YTHDC2: variants seen among roughly 807,000 people sequenced by gnomAD.
YTHDC2 encodes the protein YTH N6-methyladenosine RNA binding protein C2.
A neutral mutation model predicts 174.9 loss-of-function variants in YTHDC2; 45 were observed. That is an observed-to-expected ratio of 0.26 (90% confidence interval 0.20 to 0.33). The LOEUF is 0.33. Ranked by LOEUF, YTHDC2 falls within the 10% of genes least tolerant of loss-of-function variation. The pLI, the probability that YTHDC2 is intolerant of heterozygous loss-of-function variation, is 1.00. For missense variants in YTHDC2, 1,650 were observed against 1,723.7 expected (o/e 0.96, Z 0.76); for synonymous variants, 657 against 574.5 (o/e 1.14, Z -2.05).
At chr5:113,515,549 T>TC (rs1346726902) in intron 2 of YTHDC2, among the ~76,000 whole-genome samples, 187 bp downstream of exon 2, 2 of 152,266 alleles carry the variant, frequency 1.3e-5, no homozygotes, top group Non-Finnish European at 2.9e-5. Flanking sequence ...GTCTACCTCT[T>TC]CCCCCCTTTT....
intron 10 of YTHDC2, among the ~76,000 whole-genome samples, chr5:113,546,542 T>C (rs1243502735): frequency 6.6e-6 from 1 of 152,222 alleles, no homozygotes; most frequent in Non-Finnish European, 1.5e-5. Flanking sequence ...TTCTTTTTAG[T>C]AGCATCATTT....
chr5:113,538,706 T>C (rs188822183), intron 7 of YTHDC2, among the ~76,000 whole-genome samples: 34 of 152,294 alleles, frequency 2.2e-4, no homozygotes, highest in African/African-American at 7.7e-4. Context: ...TCTTCACAAC[T>C]CTATATTTAC....
chr5:113,545,523 ATAC>A (rs1298903474), intron 10 of YTHDC2, among the ~76,000 whole-genome samples: 1 of 138,612 alleles, frequency 7.2e-6, no homozygotes, highest in Non-Finnish European at 1.6e-5. Flanking sequence ...TTGGATTTAG[ATAC>A]TTCTAATATG....
chr5:113,546,678 C>T (rs1775907484), intron 10 of YTHDC2, among the ~76,000 whole-genome samples: 1 of 152,168 alleles, frequency 6.6e-6, no homozygotes, highest in South Asian at 2.1e-4. Context: ...TTTATTATCT[C>T]CATAGTTTCT....
At chr5:113,534,081 C>A (rs548328588) in intron 5 of YTHDC2, among the ~76,000 whole-genome samples, 1 of 152,160 alleles carries the variant, frequency 6.6e-6, no homozygotes, top group South Asian at 2.1e-4. Context: ...GTTTTTAGAG[C>A]AGCTTAGGTT....
At position 113,539,792 on chromosome 5, in the gene YTHDC2, G is replaced by C. The variant is rs544839111; in HGVS notation, c.1210+611G>C. Among the ~76,000 whole-genome samples the C allele has an allele frequency of 1.1e-4, 17 of 152,008 alleles. 1 individual carries two copies. The South Asian group carries it at 2.9e-3, about 26-fold the overall frequency. ...TTGGACAAAAATCTGAACTCCTTTG[G>C]ATTTTCCCCTTGAAAAATGTAATCA... On this transcript the variant is annotated intron_variant, in intron 8 of 29. Coordinates refer to ENST00000161863, the MANE Select transcript of YTHDC2 (RefSeq NM_022828.5).
rs935047741 is a variant in YTHDC2 at position 113,595,157 on chromosome 5, T to C, written c.*1683T>C. On this transcript the variant is annotated 3_prime_UTR_variant, in exon 30 of 30. Transcript: ENST00000161863. ...GTTTAAATTTCCATCTGTTTTGTAA[T>C]ATCTAGCTCTATATGTAAATGATGG... 2 of 152,142 alleles carry C rather than the reference T, an allele frequency of 1.3e-5. No individual in the cohort carries two copies. Among genetic ancestry groups the C allele is most frequent in the Non-Finnish European group, 2.9e-5 (2 of 68,010 alleles). The allele number at this position is 152,142 out of a possible 1,614,324, so 9.4% of individuals were successfully genotyped here. A position where few individuals can be genotyped will look rare whatever the true frequency, so the allele number is the denominator to read the frequency against.
In YTHDC2 at chr5:113,593,371, C is replaced by A. The variant is rs750163746; in HGVS notation, c.4281C>A (p.Asn1427Lys). The A allele has an allele frequency of 2.5e-6, 4 of 1,612,240 alleles. No homozygotes were observed. The highest frequency in any genetic ancestry group is 2.2e-5 in the East Asian group (1 of 44,818). The change falls in exon 29 of 30, where the codon AAC (asparagine) becomes AAA (lysine). Residue 1427 changes from asparagine (N) to lysine (K), a missense_variant. Asn to Lys is a moderately conservative substitution (Grantham distance 94). Coordinates refer to ENST00000161863, the MANE Select transcript of YTHDC2 (RefSeq NM_022828.5). ...LWERLPLGEK[N>K]TTD ...AACGTCTTCCCTTGGGAGAAAAAAACACAACTGATTGACACTCAGGTTATA... is the reference window on the plus strand; with the variant it reads ...AACGTCTTCCCTTGGGAGAAAAAAAAACAACTGATTGACACTCAGGTTATA...
intron 9 of YTHDC2, among the ~76,000 whole-genome samples, chr5:113,541,516 A>G (rs1312267573): frequency 6.6e-6 from 1 of 152,018 alleles, no homozygotes; most frequent in Non-Finnish European, 1.5e-5. Flanking sequence ...TTTACTGCAT[A>G]ATTGAATGGT....
chr5:113,547,643 T>A (rs1166586968), intron 10 of YTHDC2, among the ~76,000 whole-genome samples: 2 of 152,158 alleles, frequency 1.3e-5, no homozygotes, highest in Non-Finnish European at 2.9e-5. Flanking sequence ...TTGCTGTGAA[T>A]CTAAAACTTG....
rs201096580 is a variant in YTHDC2 at position 113,521,838 on chromosome 5, G to C, written c.279-3143G>C. On this transcript the variant is annotated intron_variant, in intron 2 of 29. Transcript: ENST00000161863. ...TCTGTCTCAAAAAAAAAAAAAAAAA[G>C]AAAAACCCAGAAAAATAAATTTACT... 5.2e-5 allele frequency among the ~76,000 whole-genome samples: 6 copies of C among 115,872 alleles called. No homozygotes were observed. In the South Asian group the frequency reaches 1.7e-3, roughly 33 times the overall value. The allele number at this position is 115,872 out of a possible 152,430, so 76.0% of individuals were successfully genotyped here. A position where few individuals can be genotyped will look rare whatever the true frequency, so the allele number is the denominator to read the frequency against.
At chr5:113,553,724 C>G (rs376307500) in intron 14 of YTHDC2, 38 bp downstream of exon 14, 24 of 1,612,624 alleles carry the variant, frequency 1.5e-5, no homozygotes, top group Non-Finnish European at 2.0e-5. Context: ...CTTAAAATAA[C>G]GGACAGGTCT....
chr5:113,527,213 G>A (rs1394502386), intron 4 of YTHDC2, among the ~76,000 whole-genome samples: 2 of 152,142 alleles, frequency 1.3e-5, no homozygotes, highest in Non-Finnish European at 2.9e-5. Context: ...ACAGTGAGGT[G>A]TAGAGATTAT....
At chr5:113,550,811 G>A (rs1353141162) in intron 12 of YTHDC2, among the ~76,000 whole-genome samples, 1 of 152,018 alleles carries the variant, frequency 6.6e-6, no homozygotes, top group African/African-American at 2.4e-5. Context: ...AGGGAATCCT[G>A]TAAAACCAAT....
intron 26 of YTHDC2, among the ~76,000 whole-genome samples, chr5:113,586,528 A>C (rs1778688760): frequency 1.3e-5 from 2 of 151,820 alleles, no homozygotes; most frequent in Admixed American, 1.3e-4. Context: ...AGTCCATTTC[A>C]TCAGCTTTTT....
intron 20 of YTHDC2, among the ~76,000 whole-genome samples, chr5:113,564,337 T>C (rs1224041508): frequency 6.6e-6 from 1 of 152,228 alleles, no homozygotes; most frequent in Admixed American, 6.5e-5. Context: ...TCCCATTTTC[T>C]CCTTATAGGA....
intron 12 of YTHDC2, 24 bp from the exon 13 acceptor site, chr5:113,553,157 C>T (rs375039123): frequency 1.4e-4 from 149 of 1,098,344 alleles, no homozygotes; most frequent in African/African-American, 6.8e-4. Context: ...TTGACTTTGT[C>T]TTTTTTTTTT....
rs986231987 is a variant in YTHDC2, at chr5:113,592,032, A to G, written c.4066A>G (p.Lys1356Glu). 7.4e-6 allele frequency: 12 copies of G among 1,610,982 alleles called. No individual in the cohort carries two copies. The highest frequency in any genetic ancestry group is 1.0e-5 in the Non-Finnish European group (12 of 1,178,394). ...SRMSSEIGRE[K>E]SQDWGSAGLG... Reference sequence around the variant, plus strand: ...GATGTCTTCTGAGATTGGAAGGGAAAAGAGTCAGGACTGGGGCTCTGCTGG... The same window carrying G: ...GATGTCTTCTGAGATTGGAAGGGAAGAGAGTCAGGACTGGGGCTCTGCTGG... The change falls in exon 28 of 30, where the codon AAG (lysine) becomes GAG (glutamate). Residue 1356 changes from lysine to glutamate, a missense_variant. Physicochemically the swap from Lys to Glu is moderately conservative, Grantham distance 56. This residue lies in a region of YTHDC2 where 913 missense variants were observed against 940.4 expected (regional missense o/e 0.97). Coordinates refer to ENST00000161863, the MANE Select transcript of YTHDC2 (RefSeq NM_022828.5).
intron 7 of YTHDC2, 86 bp from the exon 8 acceptor site, chr5:113,538,988 A>C (rs566043767): frequency 3.1e-6 from 2 of 645,742 alleles, no homozygotes; most frequent in Non-Finnish European, 5.1e-6. Context: ...TATTATACTG[A>C]GATTCATTAA....
Sources: allele counts gnomAD v4.1 joint callset (sites outside exome capture counted in the v4.1 genomes callset), GRCh38; gene constraint gnomAD v4.1.1; regional missense constraint gnomAD v4.1.1; transcripts MANE v1.5; gene names NCBI Gene and HGNC (gene_info 2026-07-23, HGNC 2026-07-21).